The following NHSL1 variants were observed in gnomAD, a reference collection of about 807,000 sequenced individuals.
The protein encoded by NHSL1 is NHS-like protein 1.
Under a neutral mutation model 95.0 loss-of-function variants are expected in NHSL1, and 48 were observed. The ratio of observed to expected loss-of-function variants is 0.51; its 90% CI spans 0.40 to 0.64. The LOEUF is 0.64. Ranked by LOEUF, NHSL1 falls within the 30% of genes least tolerant of loss-of-function variation. The pLI, the probability that NHSL1 is intolerant of heterozygous loss-of-function variation, is 0.00. For missense variants in NHSL1, 1,971 were observed against 2,077.7 expected, an observed-to-expected ratio of 0.95 and a Z score of 1.00; for synonymous variants, 783 against 833.9, an observed-to-expected ratio of 0.94 and a Z score of 1.05.
At chr6:138,664,721 C>T (rs908385782) in intron 1 of NHSL1, among the ~76,000 whole-genome samples, 4 of 152,318 alleles carry the variant, frequency 2.6e-5, no homozygotes, top group African/African-American at 7.2e-5. Context: ...TACTGATCAG[C>T]CTAGAAAAAG....
chr6:138,633,976 T>C (rs964324083), intron 1 of NHSL1, among the ~76,000 whole-genome samples: 4 of 152,216 alleles, frequency 2.6e-5, no homozygotes, highest in African/African-American at 9.6e-5. Flanking sequence ...CATTTTTGCT[T>C]GTTTATGCAA....
intron 2 of NHSL1, among the ~76,000 whole-genome samples, chr6:138,488,325 C>G (rs191681401): frequency 3.3e-5 from 5 of 152,120 alleles, no homozygotes; most frequent in Non-Finnish European, 7.4e-5. Context: ...CTGACCTTCA[C>G]CTTTTGCATA....
intron 1 of NHSL1, among the ~76,000 whole-genome samples, chr6:138,540,788 C>T (rs1236989132): frequency 3.9e-5 from 6 of 152,112 alleles, no homozygotes; most frequent in Non-Finnish European, 7.4e-5. Context: ...GAGTATAGGA[C>T]CCTATCGTTC....
chr6:138,683,338 G>A (rs568793983), intron 1 of NHSL1, among the ~76,000 whole-genome samples: 155 of 152,316 alleles, frequency 1.0e-3, no homozygotes, highest in African/African-American at 3.5e-3. Flanking sequence ...TCAGTGGCAC[G>A]GCCTCCTGCA....
chr6:138,606,738 T>G (rs1440401128), intron 1 of NHSL1, among the ~76,000 whole-genome samples: 1 of 148,394 alleles, frequency 6.7e-6, no homozygotes, highest in Non-Finnish European at 1.5e-5. Flanking sequence ...AATCTCACTC[T>G]GTTGCCCAGG....
chr6:138,654,564 A>G (rs141663824), intron 1 of NHSL1, among the ~76,000 whole-genome samples: 3 of 152,266 alleles, frequency 2.0e-5, no homozygotes, highest in African/African-American at 7.2e-5. Flanking sequence ...AACAGCAGGT[A>G]TTTCCATATC....
intron 1 of NHSL1, among the ~76,000 whole-genome samples, chr6:138,534,575 C>T (rs1192554470): frequency 6.6e-6 from 1 of 152,210 alleles, no homozygotes; most frequent in Admixed American, 6.5e-5. Context: ...CCTGCTCCAA[C>T]ATTTAAGTTA....
chr6:138,598,627 G>GAAAAAAA (rs35482505), intron 1 of NHSL1, among the ~76,000 whole-genome samples: 1 of 86,842 alleles, frequency 1.2e-5, no homozygotes, highest in Non-Finnish European at 2.4e-5. Context: ...TCATCTGGAA[G>GAAAAAAA]AAAAAAAAAA....
At chr6:138,480,084 T>C (rs1779321980) in intron 2 of NHSL1, among the ~76,000 whole-genome samples, 1 of 152,124 alleles carries the variant, frequency 6.6e-6, no homozygotes, top group South Asian at 2.1e-4. Context: ...AGTAAGAAGT[T>C]TGTTGACTTC....
chr6:138,659,270 G>A (rs903197263), intron 1 of NHSL1, among the ~76,000 whole-genome samples: 9 of 151,684 alleles, frequency 5.9e-5, no homozygotes, highest in Non-Finnish European at 7.4e-5. Context: ...GGCTGGTCTC[G>A]AACTCCTGAC....
chr6:138,509,823 A>G (rs1781136540), intron 1 of NHSL1, among the ~76,000 whole-genome samples: 1 of 152,326 alleles, frequency 6.6e-6, no homozygotes, highest in East Asian at 1.9e-4. Flanking sequence ...AACCAAGCCC[A>G]CATTAAGGAA....
chr6:138,611,608 C>T (rs1451581751), intron 1 of NHSL1, among the ~76,000 whole-genome samples: 9 of 151,912 alleles, frequency 5.9e-5, no homozygotes, highest in Admixed American at 5.9e-4. Flanking sequence ...TAGCTGGGCG[C>T]AGTGAGGGGC....
At chr6:138,570,084 T>A (rs2114423815) in intron 1 of NHSL1, among the ~76,000 whole-genome samples, 1 of 152,312 alleles carries the variant, frequency 6.6e-6, no homozygotes, top group South Asian at 2.1e-4. Context: ...TTTGCTTTAT[T>A]TCCCAACTAA....
intron 2 of NHSL1, among the ~76,000 whole-genome samples, chr6:138,484,065 C>A (rs992139552): frequency 6.6e-6 from 1 of 152,172 alleles, no homozygotes; most frequent in African/African-American, 2.4e-5. Context: ...GTAGGTGGAA[C>A]AGAATGAATA....
At position 138,661,230 on chromosome 6, in the gene NHSL1, C is replaced by T. The variant is rs1006042403; in HGVS notation, c.96+31246G>A. 2.6e-5 allele frequency among the ~76,000 whole-genome samples: 4 copies of T among 152,194 alleles called. No individual in the cohort carries two copies. In the East Asian group the frequency reaches 7.7e-4, roughly 29 times the overall value. On this transcript the variant is annotated intron_variant, in intron 1 of 3. Coordinates refer to the NHSL1 transcript ENST00000491526. ...ATGTTAGATCCCCCAGAATGTATTC[C>T]TACTGCATAACTGAAACTGTATACC...
chr6:138,677,017 A>T (rs561416161), intron 1 of NHSL1, among the ~76,000 whole-genome samples: 1 of 152,358 alleles, frequency 6.6e-6, no homozygotes, highest in South Asian at 2.1e-4. Context: ...ACAGTGGATT[A>T]TACTGTACTA....
chr6:138,533,203 G>A (rs1237268034), intron 1 of NHSL1, among the ~76,000 whole-genome samples: 2 of 151,910 alleles, frequency 1.3e-5, no homozygotes, highest in African/African-American at 4.8e-5. Flanking sequence ...ATAATCAAAT[G>A]GACCTAAAAA....
intron 5 of NHSL1, among the ~76,000 whole-genome samples, chr6:138,440,151 C>T (rs906092675): frequency 7.2e-5 from 11 of 152,134 alleles, no homozygotes; most frequent in African/African-American, 2.7e-4. Context: ...AAAGTCACTC[C>T]TTGAAGTCAC....
intron 1 of NHSL1, among the ~76,000 whole-genome samples, chr6:138,602,278 G>A (rs1263185542): frequency 1.3e-5 from 2 of 152,136 alleles, no homozygotes; most frequent in African/African-American, 4.8e-5. Flanking sequence ...TACAGATTTT[G>A]TATGTTTCAT....
Sources: allele counts gnomAD v4.1 joint callset (sites outside exome capture counted in the v4.1 genomes callset), GRCh38; gene constraint gnomAD v4.1.1; transcripts MANE v1.5; gene names NCBI Gene and HGNC (gene_info 2026-07-23, HGNC 2026-07-21).